EML5: variants seen among roughly 807,000 people sequenced by gnomAD.
EML5 encodes echinoderm microtubule-associated protein-like 5.
In EML5, 120 loss-of-function variants were observed where a neutral mutation model predicts 250.0. The observed-to-expected ratio is 0.48, with a 90% CI of 0.41 to 0.56. The LOEUF is 0.56. Among genes scored for constraint, EML5 ranks in the 20% least tolerant of loss-of-function variants. The probability of loss-of-function intolerance (pLI) is 0.00; values close to 1 mark genes in which losing one functional copy is unlikely to be tolerated. For synonymous variants in EML5, 771 were observed against 806.5 expected (o/e 0.96, Z 0.75); for missense variants, 2,006 against 2,437.6 (o/e 0.82, Z 3.73).
chr14:88,668,136 C>T (rs61984746), intron 21 of EML5, among the ~76,000 whole-genome samples: 35,035 of 152,146 alleles, frequency 0.23, 4,261 homozygotes, highest in East Asian at 0.37. Context: ...GTGGCTACCT[C>T]TAAGGCTTTT....
Position 88,612,706 on chromosome 14 carries a change from A to G in EML5, c.*3112T>C, listed in dbSNP as rs1040860636. On this transcript the variant is annotated 3_prime_UTR_variant, in exon 44 of 44. Transcript: ENST00000554922. ...ATAGTATATTTTAAATGACAGAACTATAATTACAGAGATCAGATCAGATAG... is the reference window on the plus strand; with the variant it reads ...ATAGTATATTTTAAATGACAGAACTGTAATTACAGAGATCAGATCAGATAG... The G allele has an allele frequency of 3.3e-5, 5 of 152,642 alleles. No individual in the cohort carries two copies. The highest frequency in any genetic ancestry group is 1.2e-4 in the African/African-American group (5 of 41,460). 9.5% of individuals were successfully genotyped at this position (152,642 alleles called of 1,614,324 possible). A position where few individuals can be genotyped will look rare whatever the true frequency, so the allele number is the denominator to read the frequency against.
Position 88,613,899 on chromosome 14 carries a change from G to C in EML5, c.*1919C>G, listed in dbSNP as rs747622180. 6.6e-6 allele frequency: 1 copy of C among 152,190 alleles called. No homozygotes were observed. The highest frequency in any genetic ancestry group is 1.5e-5 in the Non-Finnish European group (1 of 68,036). The allele number at this position is 152,190 out of a possible 1,614,324, so 9.4% of individuals were successfully genotyped here. A position where few individuals can be genotyped will look rare whatever the true frequency, so the allele number is the denominator to read the frequency against. On this transcript the variant is annotated 3_prime_UTR_variant, in exon 44 of 44. Coordinates refer to ENST00000554922, the MANE Select transcript of EML5 (RefSeq NM_183387.3). The stretch of plus-strand genomic sequence containing the variant: ...CTTCACCTTCCCCTCGTTGCTGGCT[G>C]ATACAGCGAGGTGGTCAGCTGATGA...
chr14:88,616,298 C>T (rs1217934313), intron 42 of EML5, 56 bp from the exon 43 acceptor site: 8 of 1,508,404 alleles, frequency 5.3e-6, no homozygotes, highest in Admixed American at 1.7e-5. Flanking sequence ...AAGTCAAAGG[C>T]TCTTATTAGG....
chr14:88,663,377 T>C (rs1291238187), intron 23 of EML5, among the ~76,000 whole-genome samples: 1 of 152,150 alleles, frequency 6.6e-6, no homozygotes, highest in Non-Finnish European at 1.5e-5. Context: ...AAAAAATTCC[T>C]AGAAACAAAT....
At chr14:88,775,720 G>C (rs1384678981) in intron 1 of EML5, among the ~76,000 whole-genome samples, 1 of 152,152 alleles carries the variant, frequency 6.6e-6, no homozygotes, top group African/African-American at 2.4e-5. Flanking sequence ...TGGCCTGGCC[G>C]GCTTTACCAC....
chr14:88,617,600 T>G (rs2087899743), intron 41 of EML5: 1 of 152,128 alleles, frequency 6.6e-6, no homozygotes, highest in Admixed American at 6.6e-5. Context: ...GAGATCCCTA[T>G]CTCTACAAAA....
intron 27 of EML5, among the ~76,000 whole-genome samples, chr14:88,653,869 T>C (rs1318731562): frequency 1.3e-5 from 2 of 152,212 alleles, no homozygotes; most frequent in Non-Finnish European, 2.9e-5. Context: ...AGAAGAATGG[T>C]ACCAGCTCCT....
At chr14:88,688,194 G>A (rs529957575) in intron 18 of EML5, 77 bp downstream of exon 18, 94 of 1,420,526 alleles carry the variant, frequency 6.6e-5, no homozygotes, top group Non-Finnish European at 9.0e-5. Context: ...TAGAAAGGCA[G>A]TGTTCCTTTA....
At chr14:88,647,077 A>G (rs1399676669) in intron 28 of EML5, 122 bp from the exon 29 acceptor site, 6 of 857,294 alleles carry the variant, frequency 7.0e-6, no homozygotes, top group Non-Finnish European at 8.6e-6. Flanking sequence ...TATATTGCAT[A>G]ATATTAAAGG....
In EML5 at chr14:88,664,625, C is replaced by G; in HGVS notation, c.3278-1G>C. ...GCTACAGCAAGATATTTCCCAGAACCTATAATAGAAACATATTTGCTTGAC... is the reference window on the plus strand; with the variant it reads ...GCTACAGCAAGATATTTCCCAGAACGTATAATAGAAACATATTTGCTTGAC... On this transcript the variant is annotated splice_acceptor_variant, in intron 22 of 43. Transcript: ENST00000554922. LOFTEE classifies it high-confidence loss of function. The G allele has an allele frequency of 6.2e-7, 1 of 1,601,354 alleles. No individual in the cohort carries two copies. The highest frequency in any genetic ancestry group is 8.5e-7 in the Non-Finnish European group (1 of 1,176,382).
At chr14:88,730,993 T>G (rs1263299442) in intron 7 of EML5, among the ~76,000 whole-genome samples, 1 of 152,222 alleles carries the variant, frequency 6.6e-6, no homozygotes. Flanking sequence ...GAACTTCATT[T>G]GCTCCTGTGG....
At chr14:88,687,883 C>G (rs1324306559) in intron 18 of EML5, among the ~76,000 whole-genome samples, 3 of 152,104 alleles carry the variant, frequency 2.0e-5, no homozygotes, top group Non-Finnish European at 2.9e-5. Flanking sequence ...GGAGACTACC[C>G]TGGGCAACAT....
At chr14:88,697,481 G>A (rs1677433245) in intron 14 of EML5, among the ~76,000 whole-genome samples, 1 of 152,036 alleles carries the variant, frequency 6.6e-6, no homozygotes, top group Admixed American at 6.6e-5. Flanking sequence ...ATTCAGAGGG[G>A]GTTAAAGTAC....
intron 8 of EML5, among the ~76,000 whole-genome samples, chr14:88,718,601 T>C (rs2093540247): frequency 6.6e-6 from 1 of 152,124 alleles, no homozygotes; most frequent in Non-Finnish European, 1.5e-5. Context: ...TTTAGGGACA[T>C]AGGGTACAAT....
At chr14:88,755,719 G>A (rs186663231) in intron 1 of EML5, among the ~76,000 whole-genome samples, 2 of 152,322 alleles carry the variant, frequency 1.3e-5, no homozygotes, top group East Asian at 3.9e-4. Flanking sequence ...AAGGCTGGGT[G>A]TAGCGGCTCA....
In EML5 at chr14:88,736,506, T is replaced by C; in HGVS notation, c.907A>G (p.Ser303Gly). ...GDHILVGTQD[S>G]EIFEIVVQER... Reference sequence around the variant, plus strand: ...TGCACCACAATTTCAAAAATTTCACTGTCCTGTGTTCCAACTAGAATGTGG... The same window carrying C: ...TGCACCACAATTTCAAAAATTTCACCGTCCTGTGTTCCAACTAGAATGTGG... Residue 303 changes from serine (S) to glycine (G), a missense_variant, in exon 7 of 44, where the codon AGT (serine) becomes GGT (glycine). Transcript: ENST00000554922. The C allele has an allele frequency of 3.7e-6, 6 of 1,614,044 alleles. No individual in the cohort carries two copies. The highest frequency in any genetic ancestry group is 5.1e-6 in the Non-Finnish European group (6 of 1,179,900).
At chr14:88,766,653 T>A (rs1279509892) in intron 1 of EML5, among the ~76,000 whole-genome samples, 1 of 152,174 alleles carries the variant, frequency 6.6e-6, no homozygotes, top group Non-Finnish European at 1.5e-5. Flanking sequence ...ATTTGCCTTC[T>A]GATATTTTAT....
chr14:88,666,791 T>C (rs1315292179), intron 21 of EML5, among the ~76,000 whole-genome samples: 2 of 152,138 alleles, frequency 1.3e-5, no homozygotes, highest in East Asian at 1.9e-4. Flanking sequence ...TGGTATCTTG[T>C]ATGAAATCTG....
At chr14:88,759,868 C>T (rs1386301684) in intron 1 of EML5, among the ~76,000 whole-genome samples, 2 of 152,080 alleles carry the variant, frequency 1.3e-5, no homozygotes, top group Non-Finnish European at 2.9e-5. Context: ...ATGTTACACT[C>T]TCACCAGCAA....
Sources: gnomAD v4.1 joint callset for allele counts (sites outside exome capture counted in the v4.1 genomes callset) on GRCh38, gnomAD v4.1.1 for gene constraint, MANE v1.5 for transcripts, NCBI Gene and HGNC (gene_info 2026-07-23, HGNC 2026-07-21) for gene names.